ANKRD33B: variants seen among roughly 807,000 people sequenced by gnomAD.
The protein encoded by ANKRD33B is ankyrin repeat domain 33B.
In ANKRD33B, 6 loss-of-function variants were observed where a neutral mutation model predicts 21.5. The observed-to-expected ratio is 0.28, with a 90% confidence interval of 0.15 to 0.55. ANKRD33B has a LOEUF of 0.55. ANKRD33B is among the 20% of genes least tolerant of loss of function. The pLI, the probability that ANKRD33B is intolerant of heterozygous loss-of-function variation, is 0.94. For missense variants in ANKRD33B, 698 were observed against 747.2 expected (o/e 0.93, Z 0.77); for synonymous variants, 347 against 342.4 (o/e 1.01, Z -0.15).
chr5:10,628,675 A>C (rs1736636304), intron 2 of ANKRD33B, among the ~76,000 whole-genome samples: 1 of 152,092 alleles, frequency 6.6e-6, no homozygotes, highest in South Asian at 2.1e-4. Context: ...TTCCCAAAGG[A>C]GTGGTAGGAA....
At chr5:10,635,707 A>C (rs1206485849) in intron 2 of ANKRD33B, among the ~76,000 whole-genome samples, 1 of 152,206 alleles carries the variant, frequency 6.6e-6, no homozygotes, top group Non-Finnish European at 1.5e-5. Context: ...GATGAAGAGC[A>C]AACCCACAGG....
intron 2 of ANKRD33B, among the ~76,000 whole-genome samples, chr5:10,634,937 G>C (rs1262021518): frequency 6.6e-6 from 1 of 151,448 alleles, no homozygotes; most frequent in Non-Finnish European, 1.5e-5. Context: ...CATTGAATGG[G>C]GTCATCTGTG....
At chr5:10,580,519 C>A (rs1735422284) in intron 1 of ANKRD33B, among the ~76,000 whole-genome samples, 1 of 152,158 alleles carries the variant, frequency 6.6e-6, no homozygotes, top group African/African-American at 2.4e-5. Flanking sequence ...CCCCACCCTG[C>A]CACCCTTCAG....
In ANKRD33B at chr5:10,641,208, GTCTTCTTCT is replaced by G. The variant is rs554853704; in HGVS notation, c.637+3051_637+3059del. On this transcript the variant is annotated intron_variant, in intron 3 of 3. Coordinates refer to ENST00000296657, the MANE Select transcript of ANKRD33B (RefSeq NM_001164440.2). ...GTTGTCTTCTTCTTAGTTGTCCCCA[GTCTTCTTCT>G]TCTTCTTCTTTTTTTTTTTTTTTTT... Among the ~76,000 whole-genome samples the G allele has an allele frequency of 2.1e-3, 260 of 122,040 alleles. 1 individual carries two copies. Among genetic ancestry groups the G allele is most frequent in the African/African-American group, 7.5e-3 (244 of 32,462 alleles). The allele number at this position is 122,040 out of a possible 152,430, so 80.1% of individuals were successfully genotyped here.
Position 10,564,094 on chromosome 5 carries a change from G to T in ANKRD33B, c.-374G>T, listed in dbSNP as rs1165450502. 1.3e-5 allele frequency among the ~76,000 whole-genome samples: 2 copies of T among 152,100 alleles called. No individual in the cohort carries two copies. The highest frequency in any genetic ancestry group is 2.9e-5 in the Non-Finnish European group (2 of 68,002). The stretch of plus-strand genomic sequence containing the variant: ...TAGTGATTGCTTCTGCTTCTCCCGC[G>T]CCAGCTGTCCCCAGCTCTGGGGCAA... On this transcript the variant is annotated 5_prime_UTR_variant, in exon 1 of 4. Coordinates refer to ENST00000296657, the MANE Select transcript of ANKRD33B (RefSeq NM_001164440.2).
rs1347160447 is a variant in ANKRD33B, at chr5:10,638,108, G to A, written c.577G>A (p.Ala193Thr). The A allele has an allele frequency of 2.0e-6, 3 of 1,537,458 alleles. No homozygotes were observed. Among genetic ancestry groups the A allele is most frequent in the Non-Finnish European group, 1.7e-6 (2 of 1,146,940 alleles). ...LERRNAFGFTALMKAAMQGRT... is the reference protein window; with the variant it reads ...LERRNAFGFTTLMKAAMQGRT... ...AAGGAGGAACGCGTTCGGGTTCACC[G>A]CCCTGATGAAAGCCGCCATGCAGGG... Residue 193 changes from alanine to threonine, a missense_variant, in exon 3 of 4, where the codon GCC becomes ACC. By Grantham distance (58) the Ala-to-Thr change is moderately conservative (BLOSUM62 0). Transcript: ENST00000296657.
intron 2 of ANKRD33B, among the ~76,000 whole-genome samples, chr5:10,622,479 G>A (rs73744115): frequency 0.069 from 10,465 of 152,130 alleles, 958 homozygotes; most frequent in African/African-American, 0.21. Context: ...ATTCAAAAAC[G>A]CGGTTAAATT....
At chr5:10,595,837 T>TC (rs1735805594) in intron 1 of ANKRD33B, among the ~76,000 whole-genome samples, 1 of 152,240 alleles carries the variant, frequency 6.6e-6, no homozygotes, top group African/African-American at 2.4e-5. Flanking sequence ...GAAATCTCTG[T>TC]CCATCATCCA....
rs1165108427 is a variant in ANKRD33B, at chr5:10,622,808, AT to A, written c.496+4359del. On this transcript the variant is annotated intron_variant, in intron 2 of 3. Coordinates refer to ENST00000296657, the MANE Select transcript of ANKRD33B (RefSeq NM_001164440.2). Reference sequence around the variant, plus strand: ...TTTTGTTTTTGCTTTATTTTATTTTATTTTTTTTTTTTTCTGGCTTGCTCAT... The same window carrying A: ...TTTTGTTTTTGCTTTATTTTATTTTATTTTTTTTTTTTCTGGCTTGCTCAT... Among the ~76,000 whole-genome samples the A allele has an allele frequency of 9.9e-3, 886 of 89,066 alleles. 21 individuals carry two copies. The highest frequency in any genetic ancestry group is 0.041 in the African/African-American group (818 of 20,186). 58.4% of individuals were successfully genotyped at this position (89,066 alleles called of 152,430 possible). A position where few individuals can be genotyped will look rare whatever the true frequency, so the allele number is the denominator to read the frequency against.
In ANKRD33B at chr5:10,649,594, C is replaced by T. The variant is rs1336132376; in HGVS notation, c.966C>T (p.Ile322=). 7 of 1,528,986 alleles carry T rather than the reference C, an allele frequency of 4.6e-6. No homozygotes were observed. In the African/African-American group the frequency reaches 6.9e-5, roughly 15 times the overall value. 94.7% of individuals were successfully genotyped at this position (1,528,986 alleles called of 1,614,324 possible). ...TTSLYSPAVA[I]VCQTVCPESP... ...GCCTCTACAGCCCCGCCGTGGCCAT[C>T]GTGTGCCAGACCGTGTGCCCTGAGA... The change falls in exon 4 of 4, where the codon ATC becomes ATT. Residue 322 remains isoleucine, a synonymous_variant. Coordinates refer to ENST00000296657, the MANE Select transcript of ANKRD33B (RefSeq NM_001164440.2).
intron 2 of ANKRD33B, chr5:10,628,173 G>A (rs1736625409): frequency 6.6e-6 from 1 of 152,354 alleles, no homozygotes; most frequent in Non-Finnish European, 1.5e-5. Context: ...TTTTAGAGCA[G>A]TTTGTGTTTA....
intron 1 of ANKRD33B, among the ~76,000 whole-genome samples, chr5:10,617,123 A>G (rs543643893): frequency 2.0e-5 from 3 of 152,308 alleles, no homozygotes; most frequent in East Asian, 3.9e-4. Context: ...TAATCACCCC[A>G]CCAAAGCCCC....
At chr5:10,583,289 C>T (rs2399909) in intron 1 of ANKRD33B, among the ~76,000 whole-genome samples, 107,342 of 152,174 alleles carry the variant, frequency 0.71, 38,541 homozygotes, top group East Asian at 0.84. Flanking sequence ...CGCGAGCCAC[C>T]GCGCCCGACC....
intron 1 of ANKRD33B, among the ~76,000 whole-genome samples, chr5:10,600,774 C>T (rs1735911289): frequency 6.6e-6 from 1 of 152,162 alleles, no homozygotes; most frequent in Non-Finnish European, 1.5e-5. Context: ...TACACTCCCA[C>T]CTGCTGGGAA....
Position 10,650,200 on chromosome 5 carries a change from G to GC in ANKRD33B, c.*88dup. On this transcript the variant is annotated 3_prime_UTR_variant, in exon 4 of 4. Coordinates refer to ENST00000296657, the MANE Select transcript of ANKRD33B (RefSeq NM_001164440.2). Reference sequence around the variant, plus strand: ...GCGGAGAAGGAGGCGGCCCCGTTGCGCATCGCACCACTTCCGCTCCATGGA... The same window carrying GC: ...GCGGAGAAGGAGGCGGCCCCGTTGCGCCATCGCACCACTTCCGCTCCATGGA... 7.5e-7 allele frequency: 1 copy of GC among 1,330,322 alleles called. No homozygotes were observed. Among genetic ancestry groups the GC allele is most frequent in the Admixed American group, 3.4e-5 (1 of 29,784 alleles). The allele number at this position is 1,330,322 out of a possible 1,614,324, so 82.4% of individuals were successfully genotyped here. A position where few individuals can be genotyped will look rare whatever the true frequency, so the allele number is the denominator to read the frequency against.
At chr5:10,629,032 G>A (rs1218810935) in intron 2 of ANKRD33B, among the ~76,000 whole-genome samples, 6 of 152,122 alleles carry the variant, frequency 3.9e-5, no homozygotes, top group Non-Finnish European at 5.9e-5. Context: ...GGGCATTGGC[G>A]GTGAGAGCTG....
Position 10,650,902 on chromosome 5 carries a change from A to G in ANKRD33B, c.*789A>G, listed in dbSNP as rs1737337916. On this transcript the variant is annotated 3_prime_UTR_variant, in exon 4 of 4. Transcript: ENST00000296657. ...GCAAGGGGTTTTAGGTAAACTGGATACGAAATCTTTAACATTAAAAATAGA... is the reference window on the plus strand; with the variant it reads ...GCAAGGGGTTTTAGGTAAACTGGATGCGAAATCTTTAACATTAAAAATAGA... 1 of 152,412 alleles carries G rather than the reference A, an allele frequency of 6.6e-6. No individual in the cohort carries two copies. 9.4% of individuals were successfully genotyped at this position (152,412 alleles called of 1,614,324 possible).
chr5:10,570,958 T>C (rs1307978548), intron 1 of ANKRD33B, among the ~76,000 whole-genome samples: 1 of 151,260 alleles, frequency 6.6e-6, no homozygotes, highest in Non-Finnish European at 1.5e-5. Context: ...AAAACAGGCA[T>C]TTAGTTTTTA....
intron 1 of ANKRD33B, among the ~76,000 whole-genome samples, chr5:10,616,968 G>A (rs558548491): frequency 2.8e-4 from 42 of 152,318 alleles, no homozygotes. Context: ...CTAGCATGGT[G>A]GGGTTCTGGC....
Sources: gnomAD v4.1 joint callset for allele counts (sites outside exome capture counted in the v4.1 genomes callset) on GRCh38, gnomAD v4.1.1 for gene constraint, MANE v1.5 for transcripts, NCBI Gene and HGNC (gene_info 2026-07-23, HGNC 2026-07-21) for gene names.